The following CYFIP1 variants were observed in gnomAD, a reference collection of about 807,000 sequenced individuals.
CYFIP1 encodes the protein cytoplasmic FMR1 interacting protein 1, also known as cytoplasmic FMR1-interacting protein 1.
In CYFIP1, 58 loss-of-function variants were observed where a neutral mutation model predicts 163.5. That is an observed-to-expected ratio of 0.35 (90% CI 0.29 to 0.44). CYFIP1 has a LOEUF of 0.44. Among genes scored for constraint, CYFIP1 ranks in the 20% least tolerant of loss-of-function variants. CYFIP1 has a pLI of 1.00. For missense variants in CYFIP1, 1,338 were observed against 1,653.8 expected, an observed-to-expected ratio of 0.81 and a Z score of 3.31; for synonymous variants, 663 against 660.7, an observed-to-expected ratio of 1.00 and a Z score of -0.05.
chr15:22,872,307 AAAAGAAAG>A (rs951837182), intron 30 of CYFIP1, among the ~76,000 whole-genome samples: 1 of 150,080 alleles, frequency 6.7e-6, no homozygotes, highest in African/African-American at 2.5e-5. Context: ...AAAAAAAAAA[AAAAGAAAG>A]AAAAAAGAAA....
intron 11 of CYFIP1, among the ~76,000 whole-genome samples, chr15:22,930,335 G>A (rs1426913525): frequency 1.4e-5 from 2 of 142,902 alleles, no homozygotes; most frequent in African/African-American, 5.1e-5. Context: ...GCAGTGAGCC[G>A]AGATTGCACC....
chr15:22,902,305 G>A (rs1033237150), intron 22 of CYFIP1, among the ~76,000 whole-genome samples: 6 of 152,194 alleles, frequency 3.9e-5, no homozygotes, highest in South Asian at 2.1e-4. Flanking sequence ...AAGTGTTCAC[G>A]TCACCTCCCG....
chr15:22,872,046 G>A (rs186397212), intron 30 of CYFIP1, among the ~76,000 whole-genome samples: 166 of 152,280 alleles, frequency 1.1e-3, no homozygotes, highest in African/African-American at 3.9e-3. Flanking sequence ...AGCACTTTGG[G>A]AGGTGGGCGG....
chr15:22,945,575 G>A (rs1177451773), intron 3 of CYFIP1, among the ~76,000 whole-genome samples: 3 of 144,250 alleles, frequency 2.1e-5, no homozygotes, highest in East Asian at 3.9e-4. Flanking sequence ...GTTCATCACA[G>A]TATTTTTTTT....
intron 1 of CYFIP1, among the ~76,000 whole-genome samples, chr15:22,977,667 C>G (rs896330150): frequency 6.6e-6 from 1 of 151,726 alleles, no homozygotes; most frequent in African/African-American, 2.4e-5. Context: ...CCTGTCTCTA[C>G]TAAAAATACA....
upstream of CYFIP1, chr15:22,980,461 G>GCGGCCC (rs1567062829): frequency 6.6e-5 from 10 of 152,246 alleles, no homozygotes; most frequent in Non-Finnish European, 1.5e-5. Context: ...CCTCCCGGCC[G>GCGGCCC]CGGCCCCGGC....
chr15:22,922,736 A>T (rs2061226734), intron 13 of CYFIP1, among the ~76,000 whole-genome samples: 1 of 152,190 alleles, frequency 6.6e-6, no homozygotes, highest in Admixed American at 6.5e-5. Flanking sequence ...TCATGCCTGT[A>T]ATCCTACCAC....
chr15:22,930,757 T>C lies in CYFIP1; in HGVS notation c.1110+1466A>G, dbSNP rs906125825. ...GTGTGTTTGTGTTTTAAGCAAAGTG[T>C]TGTTACAAAAGCCAAAAAGCTCTTT... On this transcript the variant is annotated intron_variant, in intron 11 of 30. Transcript: ENST00000617928. Among the ~76,000 whole-genome samples the C allele has an allele frequency of 2.0e-5, 3 of 152,316 alleles. No homozygotes were observed. The East Asian group carries it at 5.8e-4, about 29-fold the overall frequency.
intron 17 of CYFIP1, among the ~76,000 whole-genome samples, chr15:22,914,275 G>A (rs1224598349): frequency 1.3e-5 from 2 of 152,118 alleles, no homozygotes; most frequent in Admixed American, 6.5e-5. Context: ...CCCTGGTCCA[G>A]GCTGAGTCCC....
chr15:22,944,736 G>A (rs1462945621), intron 4 of CYFIP1, 77 bp from the exon 5 acceptor site: 2 of 1,517,140 alleles, frequency 1.3e-6, no homozygotes, highest in Non-Finnish European at 1.8e-6. Context: ...TAGAGCTAGT[G>A]ATCCCGCCCT....
At position 22,934,934 on chromosome 15, in the gene CYFIP1, G is replaced by A. The variant is rs140629486; in HGVS notation, c.901-1041C>T. 4.0e-3 allele frequency among the ~76,000 whole-genome samples: 611 copies of A among 152,138 alleles called. 4 individuals carry two copies. The highest frequency in any genetic ancestry group is 0.014 in the African/African-American group (568 of 41,508). The stretch of plus-strand genomic sequence containing the variant: ...GACCTCTAAACAAAAGTACTACCCC[G>A]AAAATTCTAGAAAAAGTTCTCAGTA... On this transcript the variant is annotated intron_variant, in intron 9 of 30. Transcript: ENST00000617928.
chr15:22,904,694 A>C (rs1464691681), intron 21 of CYFIP1: 1 of 152,196 alleles, frequency 6.6e-6, no homozygotes, highest in Non-Finnish European at 1.5e-5. Flanking sequence ...CCTCGATCAA[A>C]GCCTCGACCA....
chr15:22,951,282 A>C, intron 1 of CYFIP1: 1 of 1,102,726 alleles, frequency 9.1e-7, no homozygotes, highest in East Asian at 8.9e-5. Context: ...CATGTTCCTC[A>C]CTAGAAATCT....
intron 17 of CYFIP1, among the ~76,000 whole-genome samples, chr15:22,912,560 T>G: frequency 6.6e-6 from 1 of 152,292 alleles, no homozygotes; most frequent in East Asian, 1.9e-4. Context: ...TTAGCAGACT[T>G]TAAAATATTT....
chr15:22,964,542 C>T (rs535192801), intron 1 of CYFIP1, among the ~76,000 whole-genome samples: 57 of 152,240 alleles, frequency 3.7e-4, no homozygotes, highest in African/African-American at 1.2e-3. Context: ...TTCCCCTGCC[C>T]GGCAGCTCCC....
At chr15:22,966,390 G>C (rs1428345492) in intron 1 of CYFIP1, among the ~76,000 whole-genome samples, 1 of 77,136 alleles carries the variant, frequency 1.3e-5, no homozygotes, top group Non-Finnish European at 2.8e-5. Flanking sequence ...AAAAAAAAAA[G>C]ACAAGATTAG....
chr15:22,957,381 A>G (rs978364932), intron 1 of CYFIP1, among the ~76,000 whole-genome samples: 1 of 152,168 alleles, frequency 6.6e-6, no homozygotes, highest in Non-Finnish European at 1.5e-5. Flanking sequence ...TCACACCTGT[A>G]ATCCCAGCAC....
At chr15:22,922,293 G>T (rs2061211312) in intron 13 of CYFIP1, among the ~76,000 whole-genome samples, 1 of 152,186 alleles carries the variant, frequency 6.6e-6, no homozygotes, top group South Asian at 2.1e-4. Context: ...AGTAGCCAAG[G>T]TCAGCCACGT....
intron 1 of CYFIP1, among the ~76,000 whole-genome samples, chr15:22,962,862 G>A (rs368663747): frequency 2.1e-4 from 32 of 152,188 alleles, no homozygotes; most frequent in African/African-American, 7.0e-4. Context: ...ATGTTGACGT[G>A]TGCGTGCTAT....
Sources: allele counts gnomAD v4.1 joint callset (sites outside exome capture counted in the v4.1 genomes callset), GRCh38; gene constraint gnomAD v4.1.1; transcripts MANE v1.5; gene names NCBI Gene and HGNC (gene_info 2026-07-23, HGNC 2026-07-21).